Variants in ACOX1 observed in about 807,000 individuals in gnomAD.
ACOX1 encodes peroxisomal acyl-coenzyme A oxidase 1.
Under a neutral mutation model 75.5 loss-of-function variants are expected in ACOX1, and 41 were observed. The ratio of observed to expected loss-of-function variants is 0.54; its 90% confidence interval spans 0.42 to 0.70. The LOEUF is 0.70. ACOX1 is among the 30% of genes least tolerant of loss of function. The pLI is 0.00. For missense variants in ACOX1, 630 were observed against 837.5 expected, an observed-to-expected ratio of 0.75 and a Z score of 3.06; for synonymous variants, 303 against 298.8, an observed-to-expected ratio of 1.01 and a Z score of -0.15.
chr17:75,957,062 C>T (rs1447617965), intron 4 of ACOX1, among the ~76,000 whole-genome samples: 1 of 148,594 alleles, frequency 6.7e-6, no homozygotes, highest in African/African-American at 2.5e-5. Flanking sequence ...CCTCTATGTA[C>T]ACACACCACA....
At position 75,974,152 on chromosome 17, in the gene ACOX1, T is replaced by A. The variant is rs554570355; in HGVS notation, c.269+4382A>T. Among the ~76,000 whole-genome samples, 83 of 152,190 alleles carry A rather than the reference T, an allele frequency of 5.5e-4. 1 individual carries two copies. In the South Asian group the frequency reaches 0.017, roughly 32 times the overall value. On this transcript the variant is annotated intron_variant, in intron 2 of 13. Coordinates refer to ENST00000293217, the MANE Select transcript of ACOX1 (RefSeq NM_004035.7). ...ATTTTTTAGAATGTGTGTGGTTTTT[T>A]TTTTTTGCTTTATTTAGGTTTTACC... is the stretch of plus-strand genomic sequence containing the variant.
At position 75,950,331 on chromosome 17, in the gene ACOX1, C is replaced by T. The variant is rs576185473; in HGVS notation, c.1299-434G>A. ...CGCAATCTTGGCTCACTGCAACCTC[C>T]GCTTCCCAGGTTCAAGCGATTCTTC... On this transcript the variant is annotated intron_variant, in intron 9 of 13. Transcript: ENST00000293217. The surrounding 1 kb of genome is among the most constrained non-coding windows in gnomAD (Gnocchi z 4.3). 6.6e-5 allele frequency among the ~76,000 whole-genome samples: 10 copies of T among 151,490 alleles called. No individual in the cohort carries two copies. Among genetic ancestry groups the T allele is most frequent in the East Asian group, 3.9e-4 (2 of 5,124 alleles).
At chr17:75,955,053 A>G (rs551228125) in intron 6 of ACOX1, among the ~76,000 whole-genome samples, 1 of 151,898 alleles carries the variant, frequency 6.6e-6, no homozygotes, top group Non-Finnish European at 1.5e-5. Context: ...TATTTTTAGT[A>G]GAGATGGGGT....
intron 3 of ACOX1, 130 bp from the exon 4 acceptor site, chr17:75,957,696 T>C (rs966495879): frequency 7.4e-6 from 5 of 671,446 alleles, no homozygotes; most frequent in Non-Finnish European, 1.3e-5. Context: ...AAAACACCTG[T>C]AGATGAGCTA....
intron 2 of ACOX1, among the ~76,000 whole-genome samples, chr17:75,965,726 G>A (rs374813565): frequency 1.3e-5 from 2 of 152,024 alleles, no homozygotes; most frequent in Non-Finnish European, 2.9e-5. Context: ...TCAACTACTC[G>A]GGAGACTGAG....
rs1006688174 is a variant in ACOX1, at chr17:75,973,912, T to G, written c.269+4622A>C. The G allele has an allele frequency of 3.1e-5, 28 of 911,674 alleles. 1 individual carries two copies. The highest frequency in any genetic ancestry group is 2.8e-4 in the South Asian group (18 of 63,566). The allele number at this position is 911,674 out of a possible 1,614,324, so 56.5% of individuals were successfully genotyped here. A position where few individuals can be genotyped will look rare whatever the true frequency, so the allele number is the denominator to read the frequency against. On this transcript the variant is annotated intron_variant, in intron 2 of 13. Coordinates refer to ENST00000293217, the MANE Select transcript of ACOX1 (RefSeq NM_004035.7). ...AAATGTAAACCCCCTTCTTATGAAATTAAATATAAGATTTACCATTTTACT... is the reference window on the plus strand; with the variant it reads ...AAATGTAAACCCCCTTCTTATGAAAGTAAATATAAGATTTACCATTTTACT...
In ACOX1 at chr17:75,979,007, G is replaced by A. The variant is rs747079449; in HGVS notation, c.67C>T (p.Leu23=). Residue 23 remains leucine (L), a synonymous_variant, in exon 1 of 14, where the codon CTG becomes TTG. Coordinates refer to ENST00000293217, the MANE Select transcript of ACOX1 (RefSeq NM_004035.7). ...SFNPELLTHI[L]DGSPEKTRRR... is the part of the protein sequence containing the mutation. ...CGGGTTTTCTCGGGGCTGCCGTCCA[G>A]GATGTGTGTAAGCAGCTCCGGGTTG... 6.2e-7 allele frequency: 1 copy of A among 1,612,088 alleles called. No homozygotes were observed. Among genetic ancestry groups the A allele is most frequent in the Admixed American group, 1.7e-5 (1 of 60,032 alleles).
rs2066090458 is a variant in ACOX1 at position 75,979,102 on chromosome 17, C to T, written c.-29G>A. ...GACGACCAGCTGGCAGCGAAGTAAG[C>T]ACCGACCGAGGTGGCAGTGACAATC... is the stretch of plus-strand genomic sequence containing the variant. On this transcript the variant is annotated 5_prime_UTR_variant, in exon 1 of 14. Coordinates refer to ENST00000293217, the MANE Select transcript of ACOX1 (RefSeq NM_004035.7). 1.2e-6 allele frequency: 2 copies of T among 1,608,248 alleles called. No individual in the cohort carries two copies. The highest frequency in any genetic ancestry group is 4.5e-5 in the East Asian group (2 of 44,868).
In ACOX1 at chr17:75,970,184, CA is replaced by C. The variant is rs55762557; in HGVS notation, c.269+8349del. 4.7e-3 allele frequency among the ~76,000 whole-genome samples: 323 copies of C among 69,038 alleles called. 4 individuals carry two copies. Among genetic ancestry groups the C allele is most frequent in the African/African-American group, 0.011 (187 of 16,628 alleles). 45.3% of individuals were successfully genotyped at this position (69,038 alleles called of 152,430 possible). A position where few individuals can be genotyped will look rare whatever the true frequency, so the allele number is the denominator to read the frequency against. On this transcript the variant is annotated intron_variant, in intron 2 of 13. Coordinates refer to ENST00000293217, the MANE Select transcript of ACOX1 (RefSeq NM_004035.7). ...CAGCTTGGGCAACATGAGACTCCTT[CA>C]AAAAAAAAAAAAAAAAGAGGAAGGA...
rs1008196788 is a variant in ACOX1, at chr17:75,946,333, C to T, written c.*415G>A. On this transcript the variant is annotated 3_prime_UTR_variant, in exon 14 of 14. Coordinates refer to ENST00000293217, the MANE Select transcript of ACOX1 (RefSeq NM_004035.7). ...AGGGTAAGTCTGGTAGAACACTGAG[C>T]AGGAAAGCTTGGAAGGGTTCTACAC... The T allele has an allele frequency of 2.8e-5, 7 of 250,048 alleles. No homozygotes were observed. The highest frequency in any genetic ancestry group is 1.0e-4 in the Admixed American group (2 of 19,602). The allele number at this position is 250,048 out of a possible 1,614,324, so 15.5% of individuals were successfully genotyped here.
chr17:75,960,315 GGT>G lies in ACOX1; in HGVS notation c.328_329del (p.Thr110LeufsTer47). 1 of 1,614,208 alleles carries G rather than the reference GGT, an allele frequency of 6.2e-7. No homozygotes were observed. The highest frequency in any genetic ancestry group is 8.5e-7 in the Non-Finnish European group (1 of 1,180,042). On this transcript the variant is annotated frameshift_variant, in exon 3 of 14. Coordinates refer to ENST00000293217, the MANE Select transcript of ACOX1 (RefSeq NM_004035.7). LOFTEE classifies it high-confidence loss of function. This position sits in a 1 kb window ranked among gnomAD's most constrained non-coding sequence, Gnocchi z 4.4. ...LDLHLGMFLP[T>X]LLHQATAEQQ... ...GCTCCGCAGTTGCCTGGTGAAGCAA[GGT>G]GGGCAGGAACATGCCCAAGTGAAGA... is the stretch of plus-strand genomic sequence containing the variant.
chr17:75,949,869 G>C lies in ACOX1; in HGVS notation c.1327C>G (p.His443Asp). Residue 443 changes from histidine to aspartate, a missense_variant, in exon 10 of 14, where the codon CAC (histidine) becomes GAC (aspartate). Coordinates refer to ENST00000293217, the MANE Select transcript of ACOX1 (RefSeq NM_004035.7). ...ATGCCACACACCAACTTTCCTGAGT[G>C]CACCTGATCATAACTTTTCATCAGG... is the stretch of plus-strand genomic sequence containing the variant. ...RFLMKSYDQV[H>D]SGKLVCGMVS... 1 of 1,614,206 alleles carries C rather than the reference G, an allele frequency of 6.2e-7. No individual in the cohort carries two copies. Among genetic ancestry groups the C allele is most frequent in the Non-Finnish European group, 8.5e-7 (1 of 1,180,050 alleles).
chr17:75,965,817 A>G (rs1293603115), intron 2 of ACOX1, among the ~76,000 whole-genome samples: 4 of 152,096 alleles, frequency 2.6e-5, no homozygotes, highest in African/African-American at 9.7e-5. Flanking sequence ...TGGGCAGCAG[A>G]GCAAGAACCC....
At chr17:75,948,487 CAT>C (rs766056646) in intron 12 of ACOX1, 30 bp from the exon 13 acceptor site, 2 of 1,549,744 alleles carry the variant, frequency 1.3e-6, no homozygotes, top group East Asian at 2.3e-5. Flanking sequence ...GTAAATAAAA[CAT>C]ATATATGTAT....
Position 75,955,890 on chromosome 17 carries a change from C to G in ACOX1, c.596G>C (p.Cys199Ser). ...VLAQLITKGK[C>S]YGLHAFIVPI... Reference sequence around the variant, plus strand: ...TACGATAAAGGCATGTAATCCATAGCATTTCCCCTTAGTGATGAGCTGGGC... The same window carrying G: ...TACGATAAAGGCATGTAATCCATAGGATTTCCCCTTAGTGATGAGCTGGGC... The change falls in exon 5 of 14, where the codon TGC becomes TCC. Residue 199 changes from cysteine (C) to serine (S), a missense_variant. Cys to Ser is a moderately radical substitution (Grantham distance 112). Transcript: ENST00000293217. 1 of 1,612,574 alleles carries G rather than the reference C, an allele frequency of 6.2e-7. No homozygotes were observed. Among genetic ancestry groups the G allele is most frequent in the Non-Finnish European group, 8.5e-7 (1 of 1,179,060 alleles).
chr17:75,972,192 G>A (rs1215346253), intron 2 of ACOX1, among the ~76,000 whole-genome samples: 1 of 151,960 alleles, frequency 6.6e-6, no homozygotes, highest in African/African-American at 2.4e-5. Context: ...GCCGGGCGTG[G>A]TGGCGGGCAC....
At chr17:75,949,949 T>C (rs763012268) in intron 9 of ACOX1, 52 bp from the exon 10 acceptor site, 6 of 1,601,200 alleles carry the variant, frequency 3.7e-6, no homozygotes, top group Non-Finnish European at 5.1e-6. Flanking sequence ...CTTTTGTTTC[T>C]TTTGAGATGG....
chr17:75,952,788 G>C (rs1035116166), intron 7 of ACOX1, among the ~76,000 whole-genome samples: 61 of 146,108 alleles, frequency 4.2e-4, no homozygotes, highest in Non-Finnish European at 6.2e-4. Context: ...CTGAGATCGC[G>C]CCACTGCACT....
intron 2 of ACOX1, among the ~76,000 whole-genome samples, chr17:75,970,983 T>C (rs1427853479): frequency 6.6e-6 from 1 of 151,956 alleles, no homozygotes; most frequent in African/African-American, 2.4e-5. Context: ...ACAACGTTGG[T>C]TTAAATACAA....
Sources: allele counts gnomAD v4.1 joint callset (sites outside exome capture counted in the v4.1 genomes callset), GRCh38; gene constraint gnomAD v4.1.1; non-coding constraint Gnocchi (gnomAD v3.1); transcripts MANE v1.5; gene names NCBI Gene and HGNC (gene_info 2026-07-23, HGNC 2026-07-21).